The following RBFOX1 variants were observed in gnomAD, a reference collection of about 807,000 sequenced individuals.
The protein encoded by RBFOX1 is RNA binding protein fox-1 homolog 1.
RBFOX1 carries 8 observed loss-of-function variants against 57.7 expected under a neutral mutation model. The observed-to-expected ratio is 0.14, with a 90% confidence interval of 0.08 to 0.25. The LOEUF (loss-of-function observed/expected upper bound fraction) is 0.25, where lower values mean the gene tolerates loss of function less well. Among genes scored for constraint, RBFOX1 ranks in the 10% least tolerant of loss-of-function variants. RBFOX1 has a pLI of 1.00. For synonymous variants in RBFOX1, 326 were observed against 222.4 expected (o/e 1.47, Z -4.15); for missense variants, 611 against 548.5 (o/e 1.11, Z -1.14).
intron 4 of RBFOX1, among the ~76,000 whole-genome samples, chr16:7,180,999 A>G (rs2082587194): frequency 6.6e-6 from 1 of 152,226 alleles, no homozygotes; most frequent in African/African-American, 2.4e-5. Flanking sequence ...AGGCAATGCA[A>G]AAGCAATGGA....
At chr16:5,692,979 A>G (rs375775757) in intron 3 of RBFOX1, among the ~76,000 whole-genome samples, 40 of 152,332 alleles carry the variant, frequency 2.6e-4, no homozygotes, top group East Asian at 2.3e-3. Context: ...ATCTGGACTC[A>G]CTACACAATT....
At chr16:6,679,878 G>GGTTTTTTTTTTTTTTTT (rs1487919870) in intron 3 of RBFOX1, among the ~76,000 whole-genome samples, 3 of 114,304 alleles carry the variant, frequency 2.6e-5, no homozygotes, top group African/African-American at 7.8e-5. Flanking sequence ...GTTTCTACTT[G>GGTTTTTTTTTTTTTTTT]TTTTTTTTTT....
At chr16:7,351,125 C>G (rs891566672) in intron 4 of RBFOX1, among the ~76,000 whole-genome samples, 1 of 152,152 alleles carries the variant, frequency 6.6e-6, no homozygotes, top group African/African-American at 2.4e-5. Context: ...GACTGGATCT[C>G]TCACTTTTGC....
intron 3 of RBFOX1, among the ~76,000 whole-genome samples, chr16:7,047,014 C>G (rs1236977101): frequency 6.7e-6 from 1 of 149,638 alleles, no homozygotes; most frequent in Non-Finnish European, 1.5e-5. Flanking sequence ...TTTTAATGAA[C>G]TCAAGAGTAT....
intron 1 of RBFOX1, among the ~76,000 whole-genome samples, chr16:5,244,080 A>G (rs1328627646): frequency 6.6e-6 from 1 of 151,954 alleles, no homozygotes; most frequent in African/African-American, 2.4e-5. Flanking sequence ...TATTTTTGGT[A>G]GATATGAGGT....
intron 1 of RBFOX1, among the ~76,000 whole-genome samples, chr16:6,113,572 A>G (rs552036976): frequency 6.6e-6 from 1 of 152,288 alleles, no homozygotes; most frequent in East Asian, 1.9e-4. Flanking sequence ...CAAAGGCAGA[A>G]ATTGCCTGTC....
rs1567215609 is a variant in RBFOX1, at chr16:6,780,302, CATATATATATTTATT to C, written c.-16+125653_-16+125667del. Among the ~76,000 whole-genome samples the C allele has an allele frequency of 4.3e-4, 34 of 78,474 alleles. 4 individuals carry two copies. Among genetic ancestry groups the C allele is most frequent in the African/African-American group, 2.0e-3 (31 of 15,842 alleles). 51.5% of individuals were successfully genotyped at this position (78,474 alleles called of 152,430 possible). ...ATATTTATACATATATATATTTATA[CATATATATATTTATT>C]CATATTTATATATATTTATACATAT... On this transcript the variant is annotated intron_variant, in intron 3 of 15. Transcript: ENST00000550418.
At chr16:5,295,360 A>G (rs917602068) in intron 1 of RBFOX1, among the ~76,000 whole-genome samples, 7 of 152,204 alleles carry the variant, frequency 4.6e-5, no homozygotes, top group African/African-American at 1.4e-4. Flanking sequence ...CTGGGCAACA[A>G]TATTACTGCA....
chr16:6,164,912 A>G (rs2096905997), intron 1 of RBFOX1, among the ~76,000 whole-genome samples: 1 of 152,336 alleles, frequency 6.6e-6, no homozygotes, highest in Non-Finnish European at 1.5e-5. Flanking sequence ...TGAATTTTTC[A>G]TTAAAGGATC....
intron 3 of RBFOX1, among the ~76,000 whole-genome samples, chr16:6,671,322 G>T (rs1459757466): frequency 6.6e-6 from 1 of 152,054 alleles, no homozygotes; most frequent in Non-Finnish European, 1.5e-5. Flanking sequence ...TTGTGTCAGA[G>T]GTCCATGGAA....
At chr16:6,715,637 C>G (rs2064651542) in intron 3 of RBFOX1, among the ~76,000 whole-genome samples, 1 of 152,136 alleles carries the variant, frequency 6.6e-6, no homozygotes, top group Admixed American at 6.6e-5. Flanking sequence ...GGCCTCATCT[C>G]CTATCCGGAT....
chr16:7,118,532 A>G (rs139274361), intron 4 of RBFOX1, among the ~76,000 whole-genome samples: 28 of 152,190 alleles, frequency 1.8e-4, no homozygotes, highest in African/African-American at 5.8e-4. Flanking sequence ...CCACTATACA[A>G]TTCATCCATG....
At chr16:7,577,063 T>A (rs1357737227) in intron 5 of RBFOX1, among the ~76,000 whole-genome samples, 1 of 152,208 alleles carries the variant, frequency 6.6e-6, no homozygotes, top group Non-Finnish European at 1.5e-5. Context: ...GGTTTCAGTG[T>A]TACAGTGTTG....
intron 3 of RBFOX1, among the ~76,000 whole-genome samples, chr16:7,031,067 C>G (rs1369119588): frequency 1.3e-5 from 2 of 152,124 alleles, no homozygotes; most frequent in Non-Finnish European, 2.9e-5. Context: ...GCTGCTTCTT[C>G]CAAGGAGGGT....
intron 2 of RBFOX1, among the ~76,000 whole-genome samples, chr16:6,498,057 T>C (rs1015339523): frequency 3.3e-5 from 5 of 151,894 alleles, no homozygotes; most frequent in African/African-American, 7.3e-5. Context: ...GAGACCAGCC[T>C]TGCCAGCATG....
chr16:6,762,141 C>A (rs377506684), intron 3 of RBFOX1, among the ~76,000 whole-genome samples: 51 of 152,242 alleles, frequency 3.3e-4, no homozygotes, highest in African/African-American at 1.2e-3. Flanking sequence ...CTACCTCTGT[C>A]TTCTCCTCTG....
At chr16:7,419,921 C>G (rs921693485) in intron 4 of RBFOX1, among the ~76,000 whole-genome samples, 3 of 96,410 alleles carry the variant, frequency 3.1e-5, no homozygotes, top group Non-Finnish European at 5.7e-5. Flanking sequence ...TTCTTTCTTT[C>G]TTCCTTTTTT....
At chr16:6,841,113 G>A (rs12930995) in intron 3 of RBFOX1, among the ~76,000 whole-genome samples, 73,190 of 151,448 alleles carry the variant, frequency 0.48, 18,880 homozygotes, top group East Asian at 0.73. Context: ...ATTTTCTTGT[G>A]CATTTGCTTA....
chr16:7,417,051 G>A (rs1472225876), intron 4 of RBFOX1, among the ~76,000 whole-genome samples: 1 of 151,960 alleles, frequency 6.6e-6, no homozygotes, highest in African/African-American at 2.4e-5. Context: ...TGAGTTCATT[G>A]TTCATTTATA....
Sources: allele counts gnomAD v4.1 joint callset (sites outside exome capture counted in the v4.1 genomes callset), GRCh38; gene constraint gnomAD v4.1.1; transcripts MANE v1.5; gene names NCBI Gene and HGNC (gene_info 2026-07-23, HGNC 2026-07-21).